The following PRKN variants were observed in gnomAD, a reference collection of about 807,000 sequenced individuals.
The protein encoded by PRKN is E3 ubiquitin-protein ligase parkin.
A neutral mutation model predicts 59.5 loss-of-function variants in PRKN; 56 were observed. That is an observed-to-expected ratio of 0.94 (90% CI 0.76 to 1.18). The LOEUF (loss-of-function observed/expected upper bound fraction) is 1.18. Ranked by LOEUF, PRKN falls within the 50% of genes most tolerant of loss-of-function variation. The pLI is 0.00. For synonymous variants in PRKN, 250 were observed against 222.1 expected, an observed-to-expected ratio of 1.13 and a Z score of -1.12; for missense variants, 657 against 596.4, an observed-to-expected ratio of 1.10 and a Z score of -1.06.
chr6:161,730,260 C>T (rs957812736), intron 7 of PRKN, among the ~76,000 whole-genome samples: 1 of 116,056 alleles, frequency 8.6e-6, no homozygotes, highest in South Asian at 2.9e-4. Context: ...GATGTGTTGC[C>T]CTCTGATATG....
intron 4 of PRKN, among the ~76,000 whole-genome samples, chr6:162,192,430 T>G (rs2128327200): frequency 7.2e-6 from 1 of 139,158 alleles, no homozygotes; most frequent in South Asian, 2.4e-4. Flanking sequence ...AAGCATTCAA[T>G]AAATTATAGG....
At chr6:162,216,025 G>T (rs191481473) in intron 3 of PRKN, among the ~76,000 whole-genome samples, 1 of 152,074 alleles carries the variant, frequency 6.6e-6, no homozygotes, top group African/African-American at 2.4e-5. Flanking sequence ...TCCAGCCTGC[G>T]CTACACAGTG....
At chr6:162,560,857 A>AAAAG (rs1779806693) in intron 1 of PRKN, among the ~76,000 whole-genome samples, 1 of 150,242 alleles carries the variant, frequency 6.7e-6, no homozygotes. Context: ...GAGAGGCAAA[A>AAAAG]AAAAAAAAAA....
At chr6:161,822,374 G>A (rs907532192) in intron 6 of PRKN, among the ~76,000 whole-genome samples, 3 of 152,172 alleles carry the variant, frequency 2.0e-5, no homozygotes, top group East Asian at 1.9e-4. Flanking sequence ...CATCTTGGAC[G>A]ATGAATAAAA....
chr6:161,392,390 A>G (rs1786551501), intron 9 of PRKN, among the ~76,000 whole-genome samples: 2 of 152,102 alleles, frequency 1.3e-5, no homozygotes, highest in African/African-American at 4.8e-5. Context: ...TCTCCAAAAA[A>G]AAAGAAAAAG....
In PRKN at chr6:161,816,715, G is replaced by A. The variant is rs1791798226; in HGVS notation, c.735-30807C>T. Among the ~76,000 whole-genome samples, 3 of 137,362 alleles carry A rather than the reference G, an allele frequency of 2.2e-5. No individual in the cohort carries two copies. In the South Asian group the frequency reaches 7.1e-4, roughly 32 times the overall value. The allele number at this position is 137,362 out of a possible 152,430, so 90.1% of individuals were successfully genotyped here. On this transcript the variant is annotated intron_variant, in intron 6 of 11. Transcript: ENST00000366898. ...TGCACTCCAGCTTGGGTGACAGAGT[G>A]AGACTCCATCTCAAAAAAAAAAAAA...
chr6:162,065,205 T>C (rs1056810628), intron 4 of PRKN, among the ~76,000 whole-genome samples: 1 of 152,050 alleles, frequency 6.6e-6, no homozygotes, highest in African/African-American at 2.4e-5. Context: ...GCCTCAAAAG[T>C]AGGGAAGCCA....
chr6:162,383,604 A>G (rs1256466509), intron 2 of PRKN, among the ~76,000 whole-genome samples: 1 of 152,216 alleles, frequency 6.6e-6, no homozygotes, highest in African/African-American at 2.4e-5. Flanking sequence ...CCCTAGGACT[A>G]TCAGAATGGT....
chr6:161,946,190 T>G (rs1779766894), intron 6 of PRKN, among the ~76,000 whole-genome samples: 1 of 152,078 alleles, frequency 6.6e-6, no homozygotes, highest in Admixed American at 6.6e-5. Context: ...TAAAGGACAG[T>G]TTTTTAGAAT....
intron 7 of PRKN, among the ~76,000 whole-genome samples, chr6:161,664,263 G>T (rs893012397): frequency 5.9e-5 from 9 of 152,182 alleles, no homozygotes; most frequent in Non-Finnish European, 2.9e-5. Context: ...CCCTCTCACG[G>T]TTTAAATGTA....
At chr6:162,200,603 A>G (rs577715319) in intron 4 of PRKN, among the ~76,000 whole-genome samples, 10 of 152,306 alleles carry the variant, frequency 6.6e-5, no homozygotes, top group Admixed American at 2.0e-4. Flanking sequence ...AGCAGTGGCC[A>G]CAGCAGACTT....
At chr6:161,437,782 G>A (rs900801583) in intron 9 of PRKN, among the ~76,000 whole-genome samples, 3 of 152,148 alleles carry the variant, frequency 2.0e-5, no homozygotes, top group African/African-American at 7.2e-5. Context: ...GCTCACCTAA[G>A]CAGGGCTAGT....
intron 6 of PRKN, among the ~76,000 whole-genome samples, chr6:161,883,511 GGGGA>G: frequency 1.3e-5 from 2 of 151,496 alleles, no homozygotes; most frequent in African/African-American, 2.4e-5. Flanking sequence ...AAGGGAAGGT[GGGGA>G]GGGGAGGGGA....
At position 161,902,556 on chromosome 6, in the gene PRKN, A is replaced by ATCTATTTTTTTTTTT. The variant is rs1382089937; in HGVS notation, c.734+70745_734+70746insAAAAAAAAAAATAGA. 1.4e-4 allele frequency among the ~76,000 whole-genome samples: 16 copies of ATCTATTTTTTTTTTT among 118,210 alleles called. 1 individual carries two copies. The highest frequency in any genetic ancestry group is 3.5e-4 in the Admixed American group (4 of 11,576). The allele number at this position is 118,210 out of a possible 152,430, so 77.6% of individuals were successfully genotyped here. ...TATCTATCTATCTATCTATTTATTT[A>ATCTATTTTTTTTTTT]TTTATTTATTTTTTTTTTTTTGCGA... On this transcript the variant is annotated intron_variant, in intron 6 of 11. Transcript: ENST00000366898.
chr6:162,227,501 A>G (rs1778235098), intron 3 of PRKN, among the ~76,000 whole-genome samples: 1 of 152,152 alleles, frequency 6.6e-6, no homozygotes, highest in Non-Finnish European at 1.5e-5. Context: ...TCTCTCAATG[A>G]TCAATAAATC....
Position 161,397,605 on chromosome 6 carries a change from C to T in PRKN, c.1084-10728G>A, listed in dbSNP as rs949232100. On this transcript the variant is annotated intron_variant, in intron 9 of 11. Coordinates refer to ENST00000366898, the MANE Select transcript of PRKN (RefSeq NM_004562.3). The surrounding 1 kb of genome is among the most constrained non-coding windows in gnomAD (Gnocchi z 4.2). ...TTTCCATTTGGATAGGTTGCAGTCA[C>T]CTCAAATTCAAGTCACTTCTAATTC... 7.2e-5 allele frequency among the ~76,000 whole-genome samples: 11 copies of T among 152,150 alleles called. No individual in the cohort carries two copies. Among genetic ancestry groups the T allele is most frequent in the African/African-American group, 2.7e-4 (11 of 41,410 alleles).
chr6:162,638,647 A>AT (rs1480816269), intron 1 of PRKN, among the ~76,000 whole-genome samples: 3 of 151,864 alleles, frequency 2.0e-5, no homozygotes, highest in Non-Finnish European at 4.4e-5. Flanking sequence ...TCATTCTTCC[A>AT]TAAAAAACTT....
chr6:162,075,681 C>G (rs1229589085), intron 4 of PRKN, among the ~76,000 whole-genome samples: 2 of 151,956 alleles, frequency 1.3e-5, no homozygotes, highest in Non-Finnish European at 2.9e-5. Flanking sequence ...AGGCATGTAT[C>G]ACTGAAGTAA....
intron 1 of PRKN, among the ~76,000 whole-genome samples, chr6:162,474,841 TG>T (rs374561465): frequency 1.3e-4 from 20 of 152,282 alleles, no homozygotes; most frequent in Admixed American, 4.6e-4. Flanking sequence ...ACCTAGGCTT[TG>T]GGGTATAGGC....
Sources: allele counts gnomAD v4.1 joint callset (sites outside exome capture counted in the v4.1 genomes callset), GRCh38; gene constraint gnomAD v4.1.1; non-coding constraint Gnocchi (gnomAD v3.1); transcripts MANE v1.5; gene names NCBI Gene and HGNC (gene_info 2026-07-23, HGNC 2026-07-21).